CACNA2D3: variants seen among roughly 807,000 people sequenced by gnomAD.
The protein encoded by CACNA2D3 is voltage-dependent calcium channel subunit alpha-2/delta-3.
In CACNA2D3, 60 loss-of-function variants were observed where a neutral mutation model predicts 160.6. That is an observed-to-expected ratio of 0.37 (90% CI 0.30 to 0.46). CACNA2D3 has a LOEUF of 0.46. Ranked by LOEUF, CACNA2D3 falls within the 20% of genes least tolerant of loss-of-function variation. The pLI is 1.00. For synonymous variants in CACNA2D3, 558 were observed against 492.9 expected, an observed-to-expected ratio of 1.13 and a Z score of -1.75; for missense variants, 1,205 against 1,365.0, an observed-to-expected ratio of 0.88 and a Z score of 1.85.
chr3:54,302,848 C>G (rs924741167), intron 2 of CACNA2D3, among the ~76,000 whole-genome samples: 1 of 151,840 alleles, frequency 6.6e-6, no homozygotes, highest in African/African-American at 2.4e-5. Flanking sequence ...TGTGATCTCT[C>G]CTCCCTGCTC....
chr3:54,483,748 G>T (rs1398356055), intron 4 of CACNA2D3, among the ~76,000 whole-genome samples: 1 of 152,110 alleles, frequency 6.6e-6, no homozygotes, highest in African/African-American at 2.4e-5. Flanking sequence ...TCATTGTGTT[G>T]TAATTTCTAA....
At chr3:54,859,906 A>ACCC (rs1419669384) in intron 17 of CACNA2D3, among the ~76,000 whole-genome samples, 6 of 150,798 alleles carry the variant, frequency 4.0e-5, no homozygotes, top group Non-Finnish European at 7.4e-5. Flanking sequence ...TAGGCAATTC[A>ACCC]CCCCAGGCAG....
intron 27 of CACNA2D3, among the ~76,000 whole-genome samples, chr3:54,947,143 C>G (rs1387126331): frequency 1.3e-5 from 2 of 152,120 alleles, no homozygotes; most frequent in Non-Finnish European, 2.9e-5. Context: ...GTGCTTGATC[C>G]AGTTTTCATC....
intron 35 of CACNA2D3, among the ~76,000 whole-genome samples, chr3:55,021,715 G>GTGTATATA (rs1553632885): frequency 7.1e-6 from 1 of 141,406 alleles, no homozygotes; most frequent in African/African-American, 2.7e-5. Context: ...ATATGTGTGT[G>GTGTATATA]TATATATATA....
intron 9 of CACNA2D3, among the ~76,000 whole-genome samples, chr3:54,605,328 G>A (rs909234675): frequency 6.6e-6 from 1 of 152,140 alleles, no homozygotes; most frequent in South Asian, 2.1e-4. Flanking sequence ...AAACCCACAT[G>A]CCTAATGATG....
At chr3:54,864,538 G>A (rs189652746) in intron 17 of CACNA2D3, among the ~76,000 whole-genome samples, 6 of 152,134 alleles carry the variant, frequency 3.9e-5, no homozygotes, top group Admixed American at 2.6e-4. Context: ...GGGATTACAG[G>A]CGCGAGCCAC....
chr3:55,037,165 CAAAA>C (rs1237571695), intron 35 of CACNA2D3, among the ~76,000 whole-genome samples: 1 of 152,110 alleles, frequency 6.6e-6, no homozygotes, highest in African/African-American at 2.4e-5. Flanking sequence ...ACAAATAAGA[CAAAA>C]GAAGAAGAAA....
At chr3:54,979,382 G>A (rs544433588) in intron 29 of CACNA2D3, among the ~76,000 whole-genome samples, 2 of 152,278 alleles carry the variant, frequency 1.3e-5, no homozygotes, top group Non-Finnish European at 2.9e-5. Context: ...TATTACAATA[G>A]AAAAGAGATT....
At chr3:54,458,829 A>G (rs1340145414) in intron 4 of CACNA2D3, among the ~76,000 whole-genome samples, 2 of 152,046 alleles carry the variant, frequency 1.3e-5, no homozygotes, top group East Asian at 3.9e-4. Context: ...TGTGCAGGTT[A>G]GTTACATATG....
chr3:54,409,013 ATTGT>A (rs1385234813), intron 4 of CACNA2D3, among the ~76,000 whole-genome samples: 3 of 152,184 alleles, frequency 2.0e-5, no homozygotes, highest in Non-Finnish European at 2.9e-5. Context: ...GGTAGGATTG[ATTGT>A]TCTGCAACCT....
At chr3:54,339,040 G>A (rs766169611) in intron 3 of CACNA2D3, among the ~76,000 whole-genome samples, 2 of 152,120 alleles carry the variant, frequency 1.3e-5, no homozygotes, top group South Asian at 2.1e-4. Flanking sequence ...CTGGAAGTTC[G>A]GTTCGTTATT....
chr3:54,426,731 G>C lies in CACNA2D3; in HGVS notation c.381+39957G>C, dbSNP rs554238613. Among the ~76,000 whole-genome samples the C allele has an allele frequency of 1.1e-4, 16 of 152,304 alleles. No homozygotes were observed. The East Asian group carries it at 2.7e-3, about 26-fold the overall frequency. ...CCTTGAGGAACAACTGAACTTGTCAGCTGTCAAATCTGAATTCTTAATAGT... is the reference window on the plus strand; with the variant it reads ...CCTTGAGGAACAACTGAACTTGTCACCTGTCAAATCTGAATTCTTAATAGT... On this transcript the variant is annotated intron_variant, in intron 4 of 37. Coordinates refer to ENST00000474759, the MANE Select transcript of CACNA2D3 (RefSeq NM_018398.3).
intron 29 of CACNA2D3, among the ~76,000 whole-genome samples, chr3:54,975,346 C>T (rs1702363514): frequency 6.6e-6 from 1 of 152,102 alleles, no homozygotes; most frequent in South Asian, 2.1e-4. Context: ...TGGTGAAATC[C>T]CGTCTTTACT....
At chr3:54,905,508 G>A (rs1700432407) in intron 27 of CACNA2D3, among the ~76,000 whole-genome samples, 1 of 152,184 alleles carries the variant, frequency 6.6e-6, no homozygotes, top group Non-Finnish European at 1.5e-5. Context: ...CAGAAAGTGT[G>A]TATCAAGTCT....
At chr3:54,178,799 C>T (rs1247850975) in intron 2 of CACNA2D3, among the ~76,000 whole-genome samples, 4 of 152,118 alleles carry the variant, frequency 2.6e-5, no homozygotes, top group Non-Finnish European at 4.4e-5. Context: ...TGGGATTTTC[C>T]TCCTTTGGAT....
chr3:54,172,385 C>T (rs187698523), intron 2 of CACNA2D3, among the ~76,000 whole-genome samples: 1 of 152,158 alleles, frequency 6.6e-6, no homozygotes, highest in Admixed American at 6.5e-5. Flanking sequence ...GGGTTTCCCC[C>T]CTCTCTGGAA....
intron 31 of CACNA2D3, among the ~76,000 whole-genome samples, chr3:54,989,183 G>C (rs770591503): frequency 6.6e-6 from 1 of 152,258 alleles, no homozygotes; most frequent in East Asian, 1.9e-4. Flanking sequence ...AGGAATAATC[G>C]CACACGTGTT....
At chr3:54,914,410 C>T (rs1700618457) in intron 27 of CACNA2D3, among the ~76,000 whole-genome samples, 1 of 152,166 alleles carries the variant, frequency 6.6e-6, no homozygotes, top group South Asian at 2.1e-4. Flanking sequence ...ACTAAATGCT[C>T]TCTAAGACCC....
At chr3:54,445,147 A>G (rs1464910729) in intron 4 of CACNA2D3, among the ~76,000 whole-genome samples, 1 of 152,202 alleles carries the variant, frequency 6.6e-6, no homozygotes, top group Non-Finnish European at 1.5e-5. Flanking sequence ...GCTCAGGGAT[A>G]TAGGCAGGGG....
Sources: allele counts gnomAD v4.1 joint callset (sites outside exome capture counted in the v4.1 genomes callset), GRCh38; gene constraint gnomAD v4.1.1; transcripts MANE v1.5; gene names NCBI Gene and HGNC (gene_info 2026-07-23, HGNC 2026-07-21).